Variants in LTBR observed in about 807,000 individuals in gnomAD.
LTBR encodes tumor necrosis factor receptor superfamily member 3.
In LTBR, 15 loss-of-function variants were observed where a neutral mutation model predicts 45.4. The observed-to-expected ratio is 0.33, with a 90% CI of 0.22 to 0.51. LTBR has a LOEUF of 0.51. LTBR is among the 20% of genes least tolerant of loss of function. The probability of loss-of-function intolerance (pLI) is 0.97; values close to 1 mark genes in which losing one functional copy is unlikely to be tolerated. For missense variants in LTBR, 450 were observed against 565.5 expected (o/e 0.80, Z 2.07); for synonymous variants, 228 against 231.0 (o/e 0.99, Z 0.12).
chr12:6,378,983 G>A (rs979011271), intron 1 of LTBR, among the ~76,000 whole-genome samples: 1 of 152,180 alleles, frequency 6.6e-6, no homozygotes, highest in African/African-American at 2.4e-5. Flanking sequence ...TGAGGGTTAT[G>A]AGTGCAAAGG....
At chr12:6,375,432 C>T (rs916725378) in exon 1 of LTBR, 16 of 1,533,122 alleles carry the variant, frequency 1.0e-5, no homozygotes, top group Non-Finnish European at 1.4e-5. Flanking sequence ...GCTTCCCACT[C>T]CCAGGTTGCG....
chr12:6,386,365 G>C lies in LTBR; in HGVS notation c.588G>C (p.Leu196=), dbSNP rs1245195034. Residue 196 remains leucine, a synonymous_variant, in exon 6 of 10, where the codon CTG becomes CTC. Coordinates refer to ENST00000228918, the MANE Select transcript of LTBR (RefSeq NM_002342.3). This position sits in a 1 kb window ranked among gnomAD's most constrained non-coding sequence, Gnocchi z 4.1. The part of the protein sequence containing the change: ...QPHTRCENQG[L]VEAAPGTAQS... ...TCTGCAGGTGTGAGAACCAAGGTCT[G>C]GTGGAGGCAGCTCCAGGCACTGCCC... 1 of 1,613,836 alleles carries C rather than the reference G, an allele frequency of 6.2e-7. No homozygotes were observed. Among genetic ancestry groups the C allele is most frequent in the Non-Finnish European group, 8.5e-7 (1 of 1,179,954 alleles).
chr12:6,375,934 A>G (rs1220989833), intron 1 of LTBR: 9 of 1,021,356 alleles, frequency 8.8e-6, no homozygotes, highest in African/African-American at 5.3e-5. Flanking sequence ...AGAGATAGGG[A>G]TGGAGGAGGG....
chr12:6,390,611 C>T (rs767764033), intron 9 of LTBR, 49 bp from the exon 10 acceptor site: 3 of 1,491,234 alleles, frequency 2.0e-6, no homozygotes, highest in Non-Finnish European at 2.7e-6. Context: ...AAGCAGCGGG[C>T]CTGAACTGGG....
chr12:6,377,473 C>A, intron 1 of LTBR: 1 of 654,850 alleles, frequency 1.5e-6, no homozygotes, highest in East Asian at 2.8e-5. Flanking sequence ...CATGGGGGAT[C>A]GGGGCTCAGG....
At chr12:6,387,920 C>A in intron 6 of LTBR, 1 of 446,600 alleles carries the variant, frequency 2.2e-6, no homozygotes, top group Non-Finnish European at 4.5e-6. Flanking sequence ...GGTACAGGTA[C>A]AGCAGGGCAA....
At chr12:6,378,680 G>C (rs1198546969) in intron 1 of LTBR, among the ~76,000 whole-genome samples, 1 of 152,180 alleles carries the variant, frequency 6.6e-6, no homozygotes, top group African/African-American at 2.4e-5. Flanking sequence ...GGAGTTAGGG[G>C]TGGGGTCAGA....
rs1033000251 is a variant in LTBR at position 6,384,717 on chromosome 12, C to T, written c.193+33C>T. 2.8e-5 allele frequency: 44 copies of T among 1,596,884 alleles called. No individual in the cohort carries two copies. In the Admixed American group the frequency reaches 3.8e-4, roughly 14 times the overall value. Reference sequence around the variant, plus strand: ...GCAATGGCAGGACGAACCTGGGCCTCGGAAGTGGGTCACGGGGGCTCCAGC... The same window carrying T: ...GCAATGGCAGGACGAACCTGGGCCTTGGAAGTGGGTCACGGGGGCTCCAGC... On this transcript the variant is annotated intron_variant, in intron 2 of 9. Transcript: ENST00000228918.
chr12:6,382,689 C>A (rs1304670997), upstream of LTBR, among the ~76,000 whole-genome samples: 1 of 152,212 alleles, frequency 6.6e-6, no homozygotes, highest in Non-Finnish European at 1.5e-5. Flanking sequence ...AGGTCCTTTC[C>A]CCCTTTTGTG....
intron 1 of LTBR, chr12:6,376,270 C>T (rs3759323): frequency 0.2 from 164,993 of 835,962 alleles, 17,647 homozygotes; most frequent in Non-Finnish European, 0.21. Context: ...CCAACCTTGT[C>T]CAGACCCGGG....
At chr12:6,379,515 T>C (rs1032584125), upstream of LTBR, among the ~76,000 whole-genome samples, 2 of 152,236 alleles carry the variant, frequency 1.3e-5, no homozygotes, top group Non-Finnish European at 2.9e-5. Flanking sequence ...GGCTGCCCAC[T>C]GTGGAAGACA....
intron 6 of LTBR, chr12:6,387,960 A>G: frequency 2.5e-6 from 1 of 394,314 alleles, no homozygotes; most frequent in South Asian, 1.8e-5. Context: ...GCCCCTCTGT[A>G]CAATGGCTGA....
Position 6,388,850 on chromosome 12 carries a change from G to A in LTBR, c.801+25G>A, listed in dbSNP as rs1459476668. On this transcript the variant is annotated intron_variant, in intron 8 of 9. Transcript: ENST00000228918. The surrounding 1 kb of genome is among the most constrained non-coding windows in gnomAD (Gnocchi z 4.3). Reference sequence around the variant, plus strand: ...GGTAATGGCGGGGGCTGAGAAGGCAGCAAGAAGGGGAAGAGGTGATGAGGG... The same window carrying A: ...GGTAATGGCGGGGGCTGAGAAGGCAACAAGAAGGGGAAGAGGTGATGAGGG... 2 of 1,613,748 alleles carry A rather than the reference G, an allele frequency of 1.2e-6. No homozygotes were observed. The highest frequency in any genetic ancestry group is 1.7e-6 in the Non-Finnish European group (2 of 1,179,914).
rs1274468159 is a variant in LTBR, at chr12:6,386,585, G to A, written c.667+141G>A. ...AGAAAGTTCCTTACAGAAAAAATTG[G>A]AGTATCTCTAGGCTAGTTTACACAC... is the stretch of plus-strand genomic sequence containing the variant. On this transcript the variant is annotated intron_variant, in intron 6 of 9. Coordinates refer to ENST00000228918, the MANE Select transcript of LTBR (RefSeq NM_002342.3). The surrounding 1 kb of genome is among the most constrained non-coding windows in gnomAD (Gnocchi z 4.1). 3.1e-6 allele frequency: 2 copies of A among 637,956 alleles called. No individual in the cohort carries two copies. Among genetic ancestry groups the A allele is most frequent in the South Asian group, 1.9e-5 (1 of 52,194 alleles). The allele number at this position is 637,956 out of a possible 1,614,324, so 39.5% of individuals were successfully genotyped here.
Position 6,386,740 on chromosome 12 carries a change from C to A in LTBR, c.667+296C>A. ...TCATTTTGGGCTTACCAACATTACA[C>A]AATCCGTTTTTTTTTTTCACACAAT... On this transcript the variant is annotated intron_variant, in intron 6 of 9. Coordinates refer to ENST00000228918, the MANE Select transcript of LTBR (RefSeq NM_002342.3). The surrounding 1 kb of genome is among the most constrained non-coding windows in gnomAD (Gnocchi z 4.1). 9.7e-6 allele frequency: 3 copies of A among 310,824 alleles called. No homozygotes were observed. Among genetic ancestry groups the A allele is most frequent in the Non-Finnish European group, 1.2e-5 (2 of 168,778 alleles). 19.3% of individuals were successfully genotyped at this position (310,824 alleles called of 1,614,324 possible).
At position 6,391,507 on chromosome 12, in the gene LTBR, G is replaced by A. The variant is rs946034783; in HGVS notation, c.*570G>A. ...GGTATGGGGAAGAGTTTTGGAAGGG[G>A]AGGAAAATGGCAAGTGTATTTATAT... is the stretch of plus-strand genomic sequence containing the variant. On this transcript the variant is annotated 3_prime_UTR_variant, in exon 10 of 10. Transcript: ENST00000228918. 1.3e-5 allele frequency: 2 copies of A among 152,190 alleles called. No homozygotes were observed. Among genetic ancestry groups the A allele is most frequent in the African/African-American group, 4.8e-5 (2 of 41,426 alleles). The allele number at this position is 152,190 out of a possible 1,614,324, so 9.4% of individuals were successfully genotyped here.
At position 6,377,124 on chromosome 12, in the gene LTBR, G is replaced by A; in HGVS notation, c.39+1530G>A. On this transcript the variant is annotated intron_variant, in intron 1 of 9. Transcript: ENST00000539925. ...CAAGGAGTTTAGCAGGCAAAGAAGA[G>A]AAAAGGCAGTACTCCAGGCTCAGGG... 8.9e-6 allele frequency: 6 copies of A among 675,844 alleles called. No homozygotes were observed. The South Asian group carries it at 1.3e-4, about 14-fold the overall frequency. The allele number at this position is 675,844 out of a possible 1,614,324, so 41.9% of individuals were successfully genotyped here. A position where few individuals can be genotyped will look rare whatever the true frequency, so the allele number is the denominator to read the frequency against.
chr12:6,377,576 G>T, intron 1 of LTBR: 2 of 985,186 alleles, frequency 2.0e-6, no homozygotes, highest in Non-Finnish European at 2.9e-6. Flanking sequence ...TATCTCCTTG[G>T]CTCTGTGAAA....
chr12:6,380,846 G>A (rs188995622), upstream of LTBR, among the ~76,000 whole-genome samples: 23 of 152,206 alleles, frequency 1.5e-4, 1 homozygote, highest in Admixed American at 7.9e-4. Context: ...CCTTCTAGGC[G>A]TCCTGGGGTG....
Sources: gnomAD v4.1 joint callset for allele counts (sites outside exome capture counted in the v4.1 genomes callset) on GRCh38, gnomAD v4.1.1 for gene constraint, Gnocchi (gnomAD v3.1) non-coding constraint, MANE v1.5 for transcripts, NCBI Gene and HGNC (gene_info 2026-07-23, HGNC 2026-07-21) for gene names.